The following DLGAP2 variants were observed in gnomAD, a reference collection of about 807,000 sequenced individuals.
DLGAP2 encodes DLG associated protein 2.
DLGAP2 carries 26 observed loss-of-function variants against 100.3 expected under a neutral mutation model. The observed-to-expected ratio is 0.26, with a 90% confidence interval of 0.19 to 0.36. DLGAP2 has a LOEUF of 0.36. DLGAP2 is among the 10% of genes least tolerant of loss of function. The pLI is 1.00. For missense variants in DLGAP2, 1,858 were observed against 1,453.2 expected (o/e 1.28, Z -4.53); for synonymous variants, 886 against 630.1 (o/e 1.41, Z -6.08).
chr8:1,210,682 C>T (rs1442336453), intron 2 of DLGAP2, among the ~76,000 whole-genome samples: 1 of 152,138 alleles, frequency 6.6e-6, no homozygotes, highest in East Asian at 1.9e-4. Flanking sequence ...GAGTCTGGGG[C>T]CACTTGAGGC....
Position 1,358,594 on chromosome 8 carries a change from C to T in DLGAP2, c.106+99711C>T, listed in dbSNP as rs139384498. 3.3e-5 allele frequency among the ~76,000 whole-genome samples: 5 copies of T among 152,150 alleles called. 1 individual carries two copies. In the South Asian group the frequency reaches 1.0e-3, roughly 32 times the overall value. On this transcript the variant is annotated intron_variant, in intron 3 of 14. Transcript: ENST00000637795. ...AATAAAACTTAGTGCAAGAAAGAGG[C>T]CTGCAGTGAAAGCAGCGTTTGGACG...
At chr8:1,668,788 C>T in intron 9 of DLGAP2, 110 bp downstream of exon 9, 2 of 1,012,562 alleles carry the variant, frequency 2.0e-6, no homozygotes, top group Non-Finnish European at 2.8e-6. Context: ...CTGACTGTAA[C>T]CCCAGCAGGG....
intron 2 of DLGAP2, among the ~76,000 whole-genome samples, chr8:961,343 C>T (rs1277457826): frequency 6.7e-6 from 1 of 150,076 alleles, no homozygotes; most frequent in Non-Finnish European, 1.5e-5. Context: ...AGGCTTGGAT[C>T]CAAGAACCGT....
chr8:1,580,413 A>G (rs915825073), intron 6 of DLGAP2, among the ~76,000 whole-genome samples: 2 of 152,202 alleles, frequency 1.3e-5, no homozygotes, highest in South Asian at 4.1e-4. Flanking sequence ...GTTCATGGAA[A>G]TTACCCAGCG....
intron 3 of DLGAP2, among the ~76,000 whole-genome samples, chr8:1,339,056 T>A (rs1801358255): frequency 6.6e-6 from 1 of 151,006 alleles, no homozygotes; most frequent in Non-Finnish European, 1.5e-5. Context: ...TGCAGTGACC[T>A]CAGTGAGGCA....
intron 8 of DLGAP2, among the ~76,000 whole-genome samples, chr8:1,651,960 G>T (rs1798176591): frequency 6.6e-6 from 1 of 152,192 alleles, no homozygotes; most frequent in African/African-American, 2.4e-5. Context: ...GAGCCGGGCT[G>T]GGCAGGCAGC....
Position 1,532,916 on chromosome 8 carries a change from C to G in DLGAP2, c.173-15710C>G, listed in dbSNP as rs1801031194. On this transcript the variant is annotated intron_variant, in intron 4 of 14. Transcript: ENST00000637795. ...CCTCATGAGCGTGGCTGCCTTTCCACCTGCCGAGCACCACGTATGCCCCAC... is the reference window on the plus strand; with the variant it reads ...CCTCATGAGCGTGGCTGCCTTTCCAGCTGCCGAGCACCACGTATGCCCCAC... 2.0e-5 allele frequency among the ~76,000 whole-genome samples: 3 copies of G among 152,152 alleles called. 1 individual carries two copies. The highest frequency in any genetic ancestry group is 4.4e-5 in the Non-Finnish European group (3 of 68,024).
chr8:1,170,862 G>GT (rs1401525514), intron 2 of DLGAP2, among the ~76,000 whole-genome samples: 3 of 145,722 alleles, frequency 2.1e-5, no homozygotes, highest in South Asian at 2.3e-4. Flanking sequence ...TTTTTGAAGG[G>GT]TTTTTTGTGT....
intron 2 of DLGAP2, chr8:1,250,264 A>G (rs1172032332): frequency 1.3e-5 from 2 of 152,188 alleles, no homozygotes; most frequent in African/African-American, 4.8e-5. Flanking sequence ...GGACGTGACA[A>G]TGGCGAGCAG....
intron 1 of DLGAP2, among the ~76,000 whole-genome samples, chr8:774,865 G>GT (rs1378658659): frequency 4.8e-5 from 7 of 147,230 alleles, no homozygotes; most frequent in South Asian, 2.2e-4. Context: ...CTTTAAAGTA[G>GT]TTTTTTCCAA....
intron 6 of DLGAP2, among the ~76,000 whole-genome samples, chr8:1,568,811 T>C (rs1215377613): frequency 2.4e-5 from 3 of 125,266 alleles, no homozygotes; most frequent in Non-Finnish European, 1.7e-5. Context: ...CATGCCACTG[T>C]CCACTCAGCA....
intron 2 of DLGAP2, among the ~76,000 whole-genome samples, chr8:980,818 A>G (rs1800310275): frequency 6.6e-6 from 1 of 152,022 alleles, no homozygotes; most frequent in Non-Finnish European, 1.5e-5. Flanking sequence ...GGCCAATGGG[A>G]GAGGGAGGGA....
intron 1 of DLGAP2, among the ~76,000 whole-genome samples, chr8:799,317 C>T (rs1796099772): frequency 6.6e-6 from 1 of 152,024 alleles, no homozygotes; most frequent in Admixed American, 6.6e-5. Context: ...TTTACAGTTG[C>T]GCTTGTCTCG....
chr8:1,317,947 G>C (rs544454177), intron 3 of DLGAP2, among the ~76,000 whole-genome samples: 88 of 63,828 alleles, frequency 1.4e-3, no homozygotes, highest in Admixed American at 3.3e-3. Flanking sequence ...AAAATAGAGC[G>C]TGTGCGAGTG....
chr8:1,191,222 A>G (rs758986937), intron 2 of DLGAP2, among the ~76,000 whole-genome samples: 187 of 126,842 alleles, frequency 1.5e-3, no homozygotes, highest in Non-Finnish European at 2.4e-3. Flanking sequence ...CCCAGGCTGG[A>G]GTACAGTGGC....
At chr8:1,372,497 C>G (rs941540282) in intron 3 of DLGAP2, among the ~76,000 whole-genome samples, 1 of 152,194 alleles carries the variant, frequency 6.6e-6, no homozygotes, top group African/African-American at 2.4e-5. Flanking sequence ...CTCCTGACGT[C>G]CGGGCTGCAT....
chr8:1,552,400 C>T (rs1411609932), intron 5 of DLGAP2, among the ~76,000 whole-genome samples: 1 of 152,206 alleles, frequency 6.6e-6, no homozygotes, highest in Non-Finnish European at 1.5e-5. Context: ...TCCTCACTGT[C>T]CCCCAGTGGT....
At chr8:936,472 C>G (rs1799074060) in intron 2 of DLGAP2, among the ~76,000 whole-genome samples, 1 of 152,314 alleles carries the variant, frequency 6.6e-6, no homozygotes, top group East Asian at 1.9e-4. Context: ...CCAGCCGCCT[C>G]TCCCTCTCAG....
intron 2 of DLGAP2, among the ~76,000 whole-genome samples, chr8:1,239,979 T>TTGCCTAGTTCTCTCTCACACAGAGCATCG (rs1798748409): frequency 1.0e-5 from 1 of 98,180 alleles, no homozygotes; most frequent in Non-Finnish European, 2.1e-5. Context: ...ACATAGCGTC[T>TTGCCTAGTTCTCTCTCACACAGAGCATCG]TGTCTAGTTC....
Sources: allele counts gnomAD v4.1 joint callset (sites outside exome capture counted in the v4.1 genomes callset), GRCh38; gene constraint gnomAD v4.1.1; transcripts MANE v1.5; gene names NCBI Gene and HGNC (gene_info 2026-07-23, HGNC 2026-07-21).